FBXO30: variants seen among roughly 807,000 people sequenced by gnomAD.
FBXO30 encodes F-box only protein 30.
FBXO30 carries 21 observed loss-of-function variants against 58.1 expected under a neutral mutation model. The observed-to-expected ratio is 0.36, with a 90% CI of 0.26 to 0.52. The LOEUF (loss-of-function observed/expected upper bound fraction) is 0.52. Among genes scored for constraint, FBXO30 ranks in the 20% least tolerant of loss-of-function variants. The probability of loss-of-function intolerance (pLI) is 0.93; values close to 1 mark genes in which losing one functional copy is unlikely to be tolerated. For missense variants in FBXO30, 744 were observed against 897.3 expected (o/e 0.83, Z 2.18); for synonymous variants, 309 against 312.4 (o/e 0.99, Z 0.11).
At chr6:145,813,763 G>A (rs1358842411) in intron 1 of FBXO30, among the ~76,000 whole-genome samples, 1 of 152,184 alleles carries the variant, frequency 6.6e-6, no homozygotes, top group African/African-American at 2.4e-5. Flanking sequence ...AGTCAACGAA[G>A]TAATCATGGA....
At position 145,814,659 on chromosome 6, in the gene FBXO30, G is replaced by C. The variant is rs1009026870; in HGVS notation, c.-73C>G. 4 of 152,156 alleles carry C rather than the reference G, an allele frequency of 2.6e-5. No individual in the cohort carries two copies. Among genetic ancestry groups the C allele is most frequent in the Non-Finnish European group, 5.9e-5 (4 of 68,166 alleles). The allele number at this position is 152,156 out of a possible 1,614,324, so 9.4% of individuals were successfully genotyped here. On this transcript the variant is annotated 5_prime_UTR_variant, in exon 1 of 3. Transcript: ENST00000237281. ...CTAGCTGCCCTGGACGCCGTGCCCA[G>C]CTGCTCCGCTCTGTCCCGGCGACGC... is the stretch of plus-strand genomic sequence containing the variant.
In FBXO30 at chr6:145,794,167, T is replaced by C. The variant is rs1341264112; in HGVS notation, c.*5939A>G. 1.3e-5 allele frequency: 2 copies of C among 152,028 alleles called. No homozygotes were observed. The highest frequency in any genetic ancestry group is 3.8e-4 in the East Asian group (2 of 5,198). 9.4% of individuals were successfully genotyped at this position (152,028 alleles called of 1,614,324 possible). On this transcript the variant is annotated 3_prime_UTR_variant, in exon 3 of 3. Coordinates refer to ENST00000237281, the MANE Select transcript of FBXO30 (RefSeq NM_032145.5). The stretch of plus-strand genomic sequence containing the variant: ...CATGAATCTGATTTATCTCTATGAA[T>C]TTACCTATTCTGCATATTTCATATA...
At position 145,804,913 on chromosome 6, in the gene FBXO30, G is replaced by A; in HGVS notation, c.1493C>T (p.Thr498Ile). ...TTCCAATACTAAATCCAGCCCAAGT[G>A]TCTGAAACGGACTTGGATTTGAAAG... Reference protein sequence around the residue: ...PQLSNPSPFQTLGLDLVLECV... With the variant: ...PQLSNPSPFQILGLDLVLECV... Residue 498 changes from threonine (T) to isoleucine (I), a missense_variant, in exon 2 of 3, where the codon ACA becomes ATA. Transcript: ENST00000237281. 1 of 1,613,892 alleles carries A rather than the reference G, an allele frequency of 6.2e-7. No individual in the cohort carries two copies. The highest frequency in any genetic ancestry group is 1.7e-4 in the Middle Eastern group (1 of 6,056).
chr6:145,805,669 G>C lies in FBXO30; in HGVS notation c.737C>G (p.Ala246Gly), dbSNP rs766539534. Reference protein sequence around the residue: ...QDHLYEEEIGAVGGIDYNDTN... With the variant: ...QDHLYEEEIGGVGGIDYNDTN... Reference sequence around the variant, plus strand: ...GTCATTGTAGTCAATTCCACCTACTGCTCCTATTTCCTCCTCATAAAGATG... The same window carrying C: ...GTCATTGTAGTCAATTCCACCTACTCCTCCTATTTCCTCCTCATAAAGATG... Residue 246 changes from alanine to glycine, a missense_variant, in exon 2 of 3, where the codon GCA (alanine) becomes GGA (glycine). Ala to Gly is a moderately conservative substitution (Grantham distance 60, BLOSUM62 0). Coordinates refer to ENST00000237281, the MANE Select transcript of FBXO30 (RefSeq NM_032145.5). The C allele has an allele frequency of 3.7e-6, 6 of 1,613,946 alleles. No individual in the cohort carries two copies. The African/African-American group carries it at 5.3e-5, about 14-fold the overall frequency.
chr6:145,800,627 T>C (rs547252903), intron 2 of FBXO30, among the ~76,000 whole-genome samples: 1 of 152,200 alleles, frequency 6.6e-6, no homozygotes, highest in South Asian at 2.1e-4. Context: ...TTCAGAGCCA[T>C]TTCCTAAAAT....
At chr6:145,801,786 T>G (rs920721511) in intron 2 of FBXO30, among the ~76,000 whole-genome samples, 3 of 152,144 alleles carry the variant, frequency 2.0e-5, no homozygotes, top group Admixed American at 6.5e-5. Context: ...CCCTTACCAT[T>G]CCCCATGCTC....
chr6:145,812,357 T>C (rs1778356750), intron 1 of FBXO30, among the ~76,000 whole-genome samples: 1 of 152,136 alleles, frequency 6.6e-6, no homozygotes, highest in Non-Finnish European at 1.5e-5. Context: ...GAAATTGAAA[T>C]AGTATTAATA....
chr6:145,808,058 G>A (rs912084795), intron 1 of FBXO30, among the ~76,000 whole-genome samples: 17 of 152,110 alleles, frequency 1.1e-4, no homozygotes, highest in African/African-American at 4.1e-4. Context: ...AATGAGCCCA[G>A]GAGATTGAGG....
chr6:145,804,657 A>AT lies in FBXO30; in HGVS notation c.1748dup (p.His583GlnfsTer20). The stretch of plus-strand genomic sequence containing the variant: ...ATGGCTGAACTCCAAATGACCTCAA[A>AT]TGGCGGTCATGTATAATCTTTGCTC... On this transcript the variant is annotated frameshift_variant, in exon 2 of 3. Transcript: ENST00000237281. LOFTEE classifies it high-confidence loss of function. 6.2e-7 allele frequency: 1 copy of AT among 1,613,672 alleles called. No individual in the cohort carries two copies. Among genetic ancestry groups the AT allele is most frequent in the Non-Finnish European group, 8.5e-7 (1 of 1,179,846 alleles).
At chr6:145,800,599 A>G (rs1777967657) in intron 2 of FBXO30, among the ~76,000 whole-genome samples, 1 of 152,162 alleles carries the variant, frequency 6.6e-6, no homozygotes, top group Non-Finnish European at 1.5e-5. Flanking sequence ...GATTTTTAAA[A>G]AATCAAAACT....
chr6:145,802,434 C>G (rs1778030382), intron 2 of FBXO30, among the ~76,000 whole-genome samples: 1 of 151,930 alleles, frequency 6.6e-6, no homozygotes, highest in Non-Finnish European at 1.5e-5. Context: ...TGCAGGTGCT[C>G]AAGTGTGAGA....
rs1337446462 is a variant in FBXO30, at chr6:145,805,820, C to T, written c.586G>A (p.Ala196Thr). ...TVETTRSLAA[A>T]LDILNTATRD... ...GTAGCAGTATTCAGGATATCCAAAG[C>T]AGCAGCCAAACTTCTGGTTGTTTCT... is the stretch of plus-strand genomic sequence containing the variant. The change falls in exon 2 of 3, where the codon GCT becomes ACT. Residue 196 changes from alanine to threonine, a missense_variant. Coordinates refer to ENST00000237281, the MANE Select transcript of FBXO30 (RefSeq NM_032145.5). The T allele has an allele frequency of 1.2e-6, 2 of 1,613,948 alleles. No individual in the cohort carries two copies.
At chr6:145,809,735 A>T (rs1166240662) in intron 1 of FBXO30, 1 of 152,166 alleles carries the variant, frequency 6.6e-6, no homozygotes, top group African/African-American at 2.4e-5. Context: ...GTAATTATGT[A>T]CCTATTTTAT....
In FBXO30 at chr6:145,804,816, T is replaced by C. The variant is rs1778112777; in HGVS notation, c.1590A>G (p.Lys530=). 2.5e-6 allele frequency: 4 copies of C among 1,613,848 alleles called. No homozygotes were observed. Among genetic ancestry groups the C allele is most frequent in the Middle Eastern group, 1.6e-4 (1 of 6,080 alleles). Residue 530 remains lysine (K), a synonymous_variant, in exon 2 of 3, where the codon AAA becomes AAG. Transcript: ENST00000237281. ...CATTCTTAAAGTGGGAAGAAAATTC[T>C]TTCCTTCTAAATAACTGTCCACACA... is the stretch of plus-strand genomic sequence containing the variant. ...TFVCGQLFRR[K]EFSSHFKNVH... is the part of the protein sequence containing the mutation.
rs186558529 is a variant in FBXO30 at position 145,807,176 on chromosome 6, G to A, written c.-16-755C>T. ...GGTGTGGCAATATAAAGATTAGCAA[G>A]TCACAGTGCCTCCTCTCAAAAAGCT... On this transcript the variant is annotated intron_variant, in intron 1 of 2. Transcript: ENST00000237281. Among the ~76,000 whole-genome samples, 770 of 152,180 alleles carry A rather than the reference G, an allele frequency of 5.1e-3. 4 individuals are homozygous for A. Among genetic ancestry groups the A allele is most frequent in the African/African-American group, 0.018 (750 of 41,462 alleles).
chr6:145,813,226 A>G (rs759504596), intron 1 of FBXO30, among the ~76,000 whole-genome samples: 5 of 152,152 alleles, frequency 3.3e-5, no homozygotes, highest in Non-Finnish European at 5.9e-5. Context: ...GATTGAAATT[A>G]AATACCTAGT....
rs1029594513 is a variant in FBXO30, at chr6:145,805,046, T to C, written c.1360A>G (p.Ile454Val). ...SDSRMADIYH[I>V]DVGTQTFSLP... ...GAAAAAGTCTGAGTCCCAACGTCAA[T>C]GTGATAAATATCAGCCATGCGGCTA... is the stretch of plus-strand genomic sequence containing the variant. Residue 454 changes from isoleucine to valine, a missense_variant, in exon 2 of 3, where the codon ATT becomes GTT. Coordinates refer to ENST00000237281, the MANE Select transcript of FBXO30 (RefSeq NM_032145.5). The C allele has an allele frequency of 5.6e-6, 9 of 1,613,970 alleles. No individual in the cohort carries two copies. Among genetic ancestry groups the C allele is most frequent in the Non-Finnish European group, 7.6e-6 (9 of 1,179,938 alleles).
intron 1 of FBXO30, among the ~76,000 whole-genome samples, chr6:145,807,458 G>C (rs768145901): frequency 1.4e-4 from 22 of 152,186 alleles, no homozygotes; most frequent in Non-Finnish European, 2.6e-4. Flanking sequence ...CCCTAGTATT[G>C]TTGGATCACA....
intron 1 of FBXO30, 94 bp from the exon 2 acceptor site, chr6:145,806,515 T>C (rs188384690): frequency 1.1e-6 from 1 of 916,486 alleles, no homozygotes; most frequent in Admixed American, 2.6e-5. Flanking sequence ...TTATCTAATA[T>C]CTTGGTTTAT....
Sources: allele counts gnomAD v4.1 joint callset (sites outside exome capture counted in the v4.1 genomes callset), GRCh38; gene constraint gnomAD v4.1.1; transcripts MANE v1.5; gene names NCBI Gene and HGNC (gene_info 2026-07-23, HGNC 2026-07-21).